SMC5: variants seen among roughly 807,000 people sequenced by gnomAD.
SMC5 encodes the protein structural maintenance of chromosomes 5, also known as structural maintenance of chromosomes protein 5.
Under a neutral mutation model 148.3 loss-of-function variants are expected in SMC5, and 88 were observed. The observed-to-expected ratio is 0.59, with a 90% CI of 0.50 to 0.71. SMC5 has a LOEUF of 0.71. Among genes scored for constraint, SMC5 ranks in the 30% least tolerant of loss-of-function variants. SMC5 has a pLI of 0.00. For synonymous variants in SMC5, 421 were observed against 432.8 expected (o/e 0.97, Z 0.34); for missense variants, 1,142 against 1,298.9 (o/e 0.88, Z 1.86).
At chr9:70,314,706 G>T in intron 11 of SMC5, 36 bp from the exon 12 acceptor site, 1 of 1,111,240 alleles carries the variant, frequency 9.0e-7, no homozygotes, top group East Asian at 2.6e-5. Context: ...AGAATATATG[G>T]TAATTAAAAT....
Position 70,314,841 on chromosome 9 carries a change from G to A in SMC5, c.1673+5G>A, listed in dbSNP as rs1288955003. ...AAGATCTTTGAATGAACTTAAGTAA[G>A]TCTTGAAAATACTAAGATTTATTTA... is the stretch of plus-strand genomic sequence containing the variant. On this transcript the variant is annotated splice_donor_5th_base_variant and intron_variant, in intron 12 of 24. Coordinates refer to ENST00000361138, the MANE Select transcript of SMC5 (RefSeq NM_015110.4). 6.9e-7 allele frequency: 1 copy of A among 1,447,674 alleles called. No individual in the cohort carries two copies. The highest frequency in any genetic ancestry group is 9.4e-7 in the Non-Finnish European group (1 of 1,063,578). The allele number at this position is 1,447,674 out of a possible 1,614,324, so 89.7% of individuals were successfully genotyped here.
At chr9:70,282,648 C>T (rs1587637743) in intron 7 of SMC5, 65 bp downstream of exon 7, 1 of 1,451,838 alleles carries the variant, frequency 6.9e-7, no homozygotes, top group Middle Eastern at 2.1e-4. Context: ...AAATATTTTG[C>T]AGGTGTTTGA....
chr9:70,280,682 T>C (rs983405083), intron 5 of SMC5, 77 bp from the exon 6 acceptor site: 2 of 1,411,080 alleles, frequency 1.4e-6, no homozygotes, highest in Non-Finnish European at 1.9e-6. Flanking sequence ...TGCCATCGTT[T>C]ATTTTTCATT....
intron 3 of SMC5, among the ~76,000 whole-genome samples, chr9:70,272,266 C>T (rs1321836247): frequency 1.3e-5 from 2 of 152,194 alleles, no homozygotes; most frequent in African/African-American, 2.4e-5. Context: ...GATCATACAT[C>T]ATTGAACTAA....
Position 70,324,117 on chromosome 9 carries a change from G to T in SMC5, c.2371G>T (p.Ala791Ser), listed in dbSNP as rs146040116. 6.3e-7 allele frequency: 1 copy of T among 1,596,376 alleles called. No individual in the cohort carries two copies. The highest frequency in any genetic ancestry group is 2.3e-5 in the East Asian group (1 of 44,214). Residue 791 changes from alanine (A) to serine (S), a missense_variant, in exon 17 of 25, where the codon GCA becomes TCA. Physicochemically the swap from Ala to Ser is moderately conservative, Grantham distance 99. Around this residue, in one of 5 missense-constraint regions of SMC5, gnomAD observed 743 missense variants for 835.7 expected, o/e 0.89. Transcript: ENST00000361138. Reference protein sequence around the residue: ...KNKLESDYMAASSQLRLTEQH... With the variant: ...KNKLESDYMASSSQLRLTEQH... ...CAAATTAGAATCAGATTATATGGCCGCATCTTCACAACTCCGTCTTACAGA... is the reference window on the plus strand; with the variant it reads ...CAAATTAGAATCAGATTATATGGCCTCATCTTCACAACTCCGTCTTACAGA...
intron 20 of SMC5, 128 bp from the exon 21 acceptor site, chr9:70,347,485 A>G: frequency 1.7e-6 from 1 of 584,890 alleles, no homozygotes; most frequent in East Asian, 3.0e-5. Flanking sequence ...ATAAGAGCAT[A>G]TATTATTTGC....
chr9:70,290,643 G>T (rs2035032107), intron 8 of SMC5, among the ~76,000 whole-genome samples: 1 of 152,048 alleles, frequency 6.6e-6, no homozygotes, highest in Non-Finnish European at 1.5e-5. Context: ...TTTCATTTCA[G>T]CCTTAAAGAT....
At position 70,284,610 on chromosome 9, in the gene SMC5, C is replaced by G. The variant is rs145780132; in HGVS notation, c.982-1590C>G. Among the ~76,000 whole-genome samples the G allele has an allele frequency of 1.3e-4, 20 of 152,218 alleles. No homozygotes were observed. The East Asian group carries it at 3.9e-3, about 29-fold the overall frequency. On this transcript the variant is annotated intron_variant, in intron 7 of 24. Coordinates refer to ENST00000361138, the MANE Select transcript of SMC5 (RefSeq NM_015110.4). ...AAACATATTTAACCCTTTGTTTTGT[C>G]TATTTATAACAGAAGCCCAGCTATT...
At chr9:70,267,819 C>T (rs1268175661) in intron 2 of SMC5, 104 bp from the exon 3 acceptor site, 5 of 973,016 alleles carry the variant, frequency 5.1e-6, no homozygotes, top group Non-Finnish European at 7.9e-6. Context: ...ACAAGTGGTA[C>T]CTGAAAAAAA....
chr9:70,350,057 A>G lies in SMC5; in HGVS notation c.2890-57A>G, dbSNP rs184573133. ...AGTTAATTCAATCCATTTTCAAATA[A>G]TAGAATGACATTACCAGAGGAAACT... On this transcript the variant is annotated intron_variant, in intron 22 of 24. Coordinates refer to ENST00000361138, the MANE Select transcript of SMC5 (RefSeq NM_015110.4). The G allele has an allele frequency of 1.3e-4, 163 of 1,279,510 alleles. 1 individual carries two copies. The African/African-American group carries it at 2.1e-3, about 17-fold the overall frequency. 79.3% of individuals were successfully genotyped at this position (1,279,510 alleles called of 1,614,324 possible). A position where few individuals can be genotyped will look rare whatever the true frequency, so the allele number is the denominator to read the frequency against.
intron 11 of SMC5, among the ~76,000 whole-genome samples, chr9:70,314,305 G>T (rs1287037741): frequency 6.6e-6 from 1 of 152,074 alleles, no homozygotes; most frequent in Non-Finnish European, 1.5e-5. Flanking sequence ...ATCTCACCTA[G>T]TGCTATTCTT....
At chr9:70,337,459 T>G (rs1384227069) in intron 17 of SMC5, among the ~76,000 whole-genome samples, 11 of 40,626 alleles carry the variant, frequency 2.7e-4, no homozygotes, top group Non-Finnish European at 9.4e-4. Context: ...TGTTTTTTTT[T>G]TTTTTTTTTT....
chr9:70,309,937 C>A (rs1388463773), intron 11 of SMC5, among the ~76,000 whole-genome samples: 2 of 152,190 alleles, frequency 1.3e-5, no homozygotes, highest in African/African-American at 4.8e-5. Flanking sequence ...GCAACCTCCA[C>A]CTCCTGGGTA....
intron 17 of SMC5, among the ~76,000 whole-genome samples, chr9:70,326,186 AAAAG>A (rs1442245931): frequency 2.0e-5 from 3 of 152,274 alleles, no homozygotes; most frequent in Admixed American, 6.5e-5. Flanking sequence ...AGGTACATCT[AAAAG>A]AAAGAGATTG....
chr9:70,292,176 A>G (rs981334943), intron 8 of SMC5, among the ~76,000 whole-genome samples: 15 of 152,106 alleles, frequency 9.9e-5, no homozygotes, highest in African/African-American at 3.1e-4. Context: ...TCCTTACTTC[A>G]CCATTCCTGA....
rs62570328 is a variant in SMC5, at chr9:70,263,874, T to C, written c.186-430T>C. Among the ~76,000 whole-genome samples, 378 of 152,324 alleles carry C rather than the reference T, an allele frequency of 2.5e-3. 6 individuals carry two copies. Among genetic ancestry groups the C allele is most frequent in the Middle Eastern group, 0.01 (3 of 294 alleles). ...TAATTAAAAATCTGCTTAGATTGTTTGAAATATTAAAATATGAATAACCAT... is the reference window on the plus strand; with the variant it reads ...TAATTAAAAATCTGCTTAGATTGTTCGAAATATTAAAATATGAATAACCAT... On this transcript the variant is annotated intron_variant, in intron 1 of 24. Transcript: ENST00000361138.
At chr9:70,269,574 CTG>C (rs2034389241) in intron 3 of SMC5, among the ~76,000 whole-genome samples, 1 of 152,054 alleles carries the variant, frequency 6.6e-6, no homozygotes, top group Admixed American at 6.6e-5. Flanking sequence ...GAGTGAGACT[CTG>C]TCTGCAAAAA....
chr9:70,331,607 G>A (rs1287314433), intron 17 of SMC5, among the ~76,000 whole-genome samples: 1 of 152,080 alleles, frequency 6.6e-6, no homozygotes, highest in Admixed American at 6.5e-5. Flanking sequence ...CAGAGAGAGG[G>A]CCATTTAGGA....
At chr9:70,299,915 A>C in intron 9 of SMC5, 131 bp from the exon 10 acceptor site, 2 of 650,308 alleles carry the variant, frequency 3.1e-6, no homozygotes, top group Non-Finnish European at 4.7e-6. Flanking sequence ...CATATTTTCC[A>C]CTATGGGAGT....
Sources: gnomAD v4.1 joint callset for allele counts (sites outside exome capture counted in the v4.1 genomes callset) on GRCh38, gnomAD v4.1.1 for gene constraint, gnomAD v4.1.1 regional missense constraint, MANE v1.5 for transcripts, NCBI Gene and HGNC (gene_info 2026-07-23, HGNC 2026-07-21) for gene names.